Variants in FAF1 observed in about 807,000 individuals in gnomAD.
FAF1 encodes FAS-associated factor 1.
Under a neutral mutation model 92.5 loss-of-function variants are expected in FAF1, and 25 were observed. That is an observed-to-expected ratio of 0.27 (90% CI 0.20 to 0.38). The LOEUF (loss-of-function observed/expected upper bound fraction) is 0.38, where lower values mean the gene tolerates loss of function less well. Ranked by LOEUF, FAF1 falls within the 10% of genes least tolerant of loss-of-function variation. The pLI is 1.00. For missense variants in FAF1, 636 were observed against 793.3 expected (o/e 0.80, Z 2.38); for synonymous variants, 234 against 273.2 (o/e 0.86, Z 1.42).
At chr1:50,454,763 G>A (rs1159794915) in intron 18 of FAF1, among the ~76,000 whole-genome samples, 2 of 152,204 alleles carry the variant, frequency 1.3e-5, no homozygotes, top group Non-Finnish European at 2.9e-5. Flanking sequence ...TCTAGCTCAA[G>A]GGATCAGCCA....
intron 2 of FAF1, among the ~76,000 whole-genome samples, chr1:50,827,687 AT>A (rs1421773751): frequency 6.6e-6 from 1 of 152,210 alleles, no homozygotes; most frequent in Non-Finnish European, 1.5e-5. Flanking sequence ...TCACTAATGA[AT>A]TCCACCAAAC....
intron 4 of FAF1, among the ~76,000 whole-genome samples, chr1:50,752,962 G>A (rs1032266702): frequency 6.6e-6 from 1 of 152,210 alleles, no homozygotes; most frequent in African/African-American, 2.4e-5. Context: ...GGGATTACAG[G>A]TGTGAGCCAC....
intron 7 of FAF1, among the ~76,000 whole-genome samples, chr1:50,679,382 T>A (rs1308771715): frequency 2.6e-5 from 4 of 151,606 alleles, no homozygotes; most frequent in Non-Finnish European, 4.4e-5. Flanking sequence ...GCCATGTGCT[T>A]TATACATTAA....
At chr1:50,493,035 T>C (rs1014989951) in intron 15 of FAF1, among the ~76,000 whole-genome samples, 1 of 99,022 alleles carries the variant, frequency 1.0e-5, no homozygotes, top group Non-Finnish European at 1.9e-5. Flanking sequence ...ATTAAACTTC[T>C]TTTTTTTTTT....
intron 1 of FAF1, among the ~76,000 whole-genome samples, chr1:50,955,752 G>GTTAATAAGCAAAATATGCTTA (rs1645261541): frequency 6.6e-6 from 1 of 152,154 alleles, no homozygotes; most frequent in African/African-American, 2.4e-5. Flanking sequence ...TCCATGGAAG[G>GTTAATAAGCAAAATATGCTTA]TGAAAGAATA....
At chr1:50,821,247 A>G (rs529863564) in intron 2 of FAF1, among the ~76,000 whole-genome samples, 1 of 152,222 alleles carries the variant, frequency 6.6e-6, no homozygotes, top group Non-Finnish European at 1.5e-5. Flanking sequence ...CCAGTGGAGC[A>G]TAAATATCTG....
intron 1 of FAF1, among the ~76,000 whole-genome samples, chr1:50,892,430 G>A (rs765210125): frequency 2.0e-5 from 3 of 152,194 alleles, no homozygotes; most frequent in Non-Finnish European, 2.9e-5. Flanking sequence ...CATCTTCTGT[G>A]TCGCTCACAC....
chr1:50,777,560 A>G (rs1026925173), intron 4 of FAF1, among the ~76,000 whole-genome samples: 6 of 152,208 alleles, frequency 3.9e-5, no homozygotes, highest in Admixed American at 3.3e-4. Flanking sequence ...CTGGAAAAAA[A>G]TGAAAAAACA....
chr1:50,722,726 G>C (rs557213456), intron 6 of FAF1, among the ~76,000 whole-genome samples: 23 of 151,420 alleles, frequency 1.5e-4, no homozygotes, highest in South Asian at 4.2e-4. Context: ...GCAAAGAGAA[G>C]TTACTGAGCA....
intron 13 of FAF1, among the ~76,000 whole-genome samples, chr1:50,554,364 A>AATATATATATATAT (rs149420376): frequency 7.7e-5 from 9 of 117,160 alleles, no homozygotes; most frequent in African/African-American, 1.1e-4. Flanking sequence ...AAATGAGGTA[A>AATATATATATATAT]ATATATATAT....
chr1:50,804,402 G>A (rs1370948911), intron 2 of FAF1, among the ~76,000 whole-genome samples: 1 of 151,980 alleles, frequency 6.6e-6, no homozygotes, highest in Non-Finnish European at 1.5e-5. Flanking sequence ...AAAATCTGGA[G>A]TAATTCATTA....
At chr1:50,837,747 C>CTTT (rs112915276) in intron 2 of FAF1, among the ~76,000 whole-genome samples, 1 of 141,534 alleles carries the variant, frequency 7.1e-6, no homozygotes, top group African/African-American at 2.6e-5. Context: ...GGGGAAGCTC[C>CTTT]TTTTTTTTTT....
chr1:50,481,022 A>G (rs1395197733), intron 17 of FAF1, among the ~76,000 whole-genome samples: 1 of 152,192 alleles, frequency 6.6e-6, no homozygotes, highest in Non-Finnish European at 1.5e-5. Context: ...TTTAAAAAGA[A>G]GGAAAAATTT....
chr1:50,594,134 G>A (rs960798761), intron 9 of FAF1, among the ~76,000 whole-genome samples: 2 of 151,990 alleles, frequency 1.3e-5, no homozygotes, highest in African/African-American at 4.8e-5. Context: ...CCAACATAGT[G>A]AAACCCCGTC....
At chr1:50,910,944 C>T (rs990186151) in intron 1 of FAF1, among the ~76,000 whole-genome samples, 3 of 152,078 alleles carry the variant, frequency 2.0e-5, no homozygotes, top group Non-Finnish European at 4.4e-5. Flanking sequence ...AGAAATCACC[C>T]GTCTTCTGCA....
chr1:50,806,996 C>T (rs1662232049), intron 2 of FAF1, among the ~76,000 whole-genome samples: 1 of 152,192 alleles, frequency 6.6e-6, no homozygotes, highest in Non-Finnish European at 1.5e-5. Flanking sequence ...TGTCTTCTCA[C>T]CTAAAAACAA....
intron 8 of FAF1, among the ~76,000 whole-genome samples, chr1:50,618,367 T>C (rs1653025911): frequency 6.6e-6 from 1 of 152,018 alleles, no homozygotes. Context: ...TCAGGAGTTA[T>C]TCTGGAGCAA....
intron 6 of FAF1, among the ~76,000 whole-genome samples, chr1:50,726,256 A>G (rs1227452708): frequency 6.6e-6 from 1 of 152,026 alleles, no homozygotes; most frequent in Non-Finnish European, 1.5e-5. Flanking sequence ...ACTCAATCTC[A>G]AAAAAATAAT....
At chr1:50,662,466 T>C (rs1655417123) in intron 7 of FAF1, among the ~76,000 whole-genome samples, 1 of 152,146 alleles carries the variant, frequency 6.6e-6, no homozygotes, top group South Asian at 2.1e-4. Flanking sequence ...TAATCAAATA[T>C]GTAAACTAAT....
Sources: gnomAD v4.1 joint callset for allele counts (sites outside exome capture counted in the v4.1 genomes callset) on GRCh38, gnomAD v4.1.1 for gene constraint, MANE v1.5 for transcripts, NCBI Gene and HGNC (gene_info 2026-07-23, HGNC 2026-07-21) for gene names.